Variants in TP53INP2 observed in about 807,000 individuals in gnomAD.
TP53INP2 encodes tumor protein p53 inducible nuclear protein 2, also known as tumor protein p53-inducible nuclear protein 2.
Under a neutral mutation model 17.1 loss-of-function variants are expected in TP53INP2, and 12 were observed. The ratio of observed to expected loss-of-function variants is 0.70; its 90% CI spans 0.45 to 1.14. TP53INP2 has a LOEUF of 1.14. TP53INP2 is among the 50% of genes most tolerant of loss of function. The pLI, the probability that TP53INP2 is intolerant of heterozygous loss-of-function variation, is 0.00. For missense variants in TP53INP2, 342 were observed against 330.9 expected, an observed-to-expected ratio of 1.03 and a Z score of -0.26; for synonymous variants, 145 against 147.3, an observed-to-expected ratio of 0.98 and a Z score of 0.12.
In TP53INP2 at chr20:34,712,149, A is replaced by C. The variant is rs1396046415; in HGVS notation, c.*1842A>C. The C allele has an allele frequency of 6.5e-6, 1 of 152,738 alleles. No homozygotes were observed. Among genetic ancestry groups the C allele is most frequent in the Non-Finnish European group, 1.5e-5 (1 of 68,116 alleles). 9.5% of individuals were successfully genotyped at this position (152,738 alleles called of 1,614,324 possible). A position where few individuals can be genotyped will look rare whatever the true frequency, so the allele number is the denominator to read the frequency against. On this transcript the variant is annotated 3_prime_UTR_variant, in exon 5 of 5. Transcript: ENST00000374810. ...CACGCCAGTCCACTAGGGCCCCAGT[A>C]GTTGACAGCCTTGCTCCTCTCCCAA...
chr20:34,710,067 G>C lies in TP53INP2; in HGVS notation c.423G>C (p.Thr141=), dbSNP rs772559588. 1.6e-6 allele frequency: 2 copies of C among 1,248,638 alleles called. No homozygotes were observed. Among genetic ancestry groups the C allele is most frequent in the African/African-American group, 3.2e-5 (2 of 63,416 alleles). The allele number at this position is 1,248,638 out of a possible 1,614,324, so 77.3% of individuals were successfully genotyped here. A position where few individuals can be genotyped will look rare whatever the true frequency, so the allele number is the denominator to read the frequency against. Residue 141 remains threonine (T), a synonymous_variant, in exon 5 of 5, where the codon ACG becomes ACC. Coordinates refer to ENST00000374810, the MANE Select transcript of TP53INP2 (RefSeq NM_021202.3). This position sits in a 1 kb window ranked among gnomAD's most constrained non-coding sequence, Gnocchi z 4.9. ...PDGDLSEGEL[T]PARREPRAAR... ...GGCTCTGTCCTCACAGGGAATTGAC[G>C]CCCGCCCGCCGCGAGCCGCGGGCCG... is the stretch of plus-strand genomic sequence containing the variant.
Position 34,712,325 on chromosome 20 carries a change from C to T in TP53INP2, c.*2018C>T, listed in dbSNP as rs547825223. 1 of 152,808 alleles carries T rather than the reference C, an allele frequency of 6.5e-6. No homozygotes were observed. The highest frequency in any genetic ancestry group is 2.4e-5 in the African/African-American group (1 of 41,546). 9.5% of individuals were successfully genotyped at this position (152,808 alleles called of 1,614,324 possible). A position where few individuals can be genotyped will look rare whatever the true frequency, so the allele number is the denominator to read the frequency against. ...CTGCCAGCTGGGACCTAGGCTCAGTCCTGTGTGGTGCCCATGATCCTTCTG... is the reference window on the plus strand; with the variant it reads ...CTGCCAGCTGGGACCTAGGCTCAGTTCTGTGTGGTGCCCATGATCCTTCTG... On this transcript the variant is annotated 3_prime_UTR_variant, in exon 5 of 5. Coordinates refer to ENST00000374810, the MANE Select transcript of TP53INP2 (RefSeq NM_021202.3).
chr20:34,712,405 T>G lies in TP53INP2; in HGVS notation c.*2098T>G, dbSNP rs935941130. Reference sequence around the variant, plus strand: ...TTGGCTCAAATTTTAAAAGGCCTTTTGTTTACCTATATTTCTGGAGGCTCC... The same window carrying G: ...TTGGCTCAAATTTTAAAAGGCCTTTGGTTTACCTATATTTCTGGAGGCTCC... On this transcript the variant is annotated 3_prime_UTR_variant, in exon 5 of 5. Transcript: ENST00000374810. 6.6e-6 allele frequency: 1 copy of G among 152,654 alleles called. No individual in the cohort carries two copies. Among genetic ancestry groups the G allele is most frequent in the African/African-American group, 2.4e-5 (1 of 41,434 alleles). 9.5% of individuals were successfully genotyped at this position (152,654 alleles called of 1,614,324 possible).
rs1988227190 is a variant in TP53INP2, at chr20:34,712,490, T to G, written c.*2183T>G. 6.6e-6 allele frequency: 1 copy of G among 152,636 alleles called. No homozygotes were observed. The highest frequency in any genetic ancestry group is 1.5e-5 in the Non-Finnish European group (1 of 68,048). The allele number at this position is 152,636 out of a possible 1,614,324, so 9.5% of individuals were successfully genotyped here. On this transcript the variant is annotated 3_prime_UTR_variant, in exon 5 of 5. Coordinates refer to ENST00000374810, the MANE Select transcript of TP53INP2 (RefSeq NM_021202.3). ...TGCAAGGCTCATATTTTTTTGTACC[T>G]TTCCTATAGATTCTGTAGCATTTGA...
At position 34,711,980 on chromosome 20, in the gene TP53INP2, C is replaced by T. The variant is rs1414671926; in HGVS notation, c.*1673C>T. The T allele has an allele frequency of 6.6e-6, 1 of 152,632 alleles. No homozygotes were observed. The highest frequency in any genetic ancestry group is 1.5e-5 in the Non-Finnish European group (1 of 68,142). 9.5% of individuals were successfully genotyped at this position (152,632 alleles called of 1,614,324 possible). A position where few individuals can be genotyped will look rare whatever the true frequency, so the allele number is the denominator to read the frequency against. Reference sequence around the variant, plus strand: ...GCAAAGGCAGCTGCCCTCCCTGACCCTATAGCCCCAGGCCTCATGGGGGGT... The same window carrying T: ...GCAAAGGCAGCTGCCCTCCCTGACCTTATAGCCCCAGGCCTCATGGGGGGT... On this transcript the variant is annotated 3_prime_UTR_variant, in exon 5 of 5. Transcript: ENST00000374810. The surrounding 1 kb of genome is among the most constrained non-coding windows in gnomAD (Gnocchi z 4.1).
chr20:34,711,494 G>C lies in TP53INP2; in HGVS notation c.*1187G>C, dbSNP rs1988196042. On this transcript the variant is annotated 3_prime_UTR_variant, in exon 5 of 5. Coordinates refer to ENST00000374810, the MANE Select transcript of TP53INP2 (RefSeq NM_021202.3). This position sits in a 1 kb window ranked among gnomAD's most constrained non-coding sequence, Gnocchi z 4.1. ...GGCTAGCCAGCAGTCCTGAGTAGGA[G>C]TCCAGGACTCCCACTGTCTCAATCT... The C allele has an allele frequency of 6.6e-6, 1 of 152,276 alleles. No individual in the cohort carries two copies. Among genetic ancestry groups the C allele is most frequent in the South Asian group, 2.1e-4 (1 of 4,834 alleles). The allele number at this position is 152,276 out of a possible 1,614,324, so 9.4% of individuals were successfully genotyped here. A position where few individuals can be genotyped will look rare whatever the true frequency, so the allele number is the denominator to read the frequency against.
In TP53INP2 at chr20:34,711,491, G is replaced by T. The variant is rs1168228557; in HGVS notation, c.*1184G>T. The T allele has an allele frequency of 6.6e-6, 1 of 152,274 alleles. No homozygotes were observed. Among genetic ancestry groups the T allele is most frequent in the African/African-American group, 2.4e-5 (1 of 41,462 alleles). 9.4% of individuals were successfully genotyped at this position (152,274 alleles called of 1,614,324 possible). ...TATGGCTAGCCAGCAGTCCTGAGTA[G>T]GAGTCCAGGACTCCCACTGTCTCAA... On this transcript the variant is annotated 3_prime_UTR_variant, in exon 5 of 5. Transcript: ENST00000374810. The surrounding 1 kb of genome is among the most constrained non-coding windows in gnomAD (Gnocchi z 4.1).
rs1014125490 is a variant in TP53INP2, at chr20:34,712,699, G to C, written c.*2392G>C. 5.2e-5 allele frequency: 8 copies of C among 152,564 alleles called. No homozygotes were observed. 9.5% of individuals were successfully genotyped at this position (152,564 alleles called of 1,614,324 possible). Reference sequence around the variant, plus strand: ...AACTTGAATACATGAGGGAACCAGAGTTCAAAGTCCTATGCAACCTTAGGA... The same window carrying C: ...AACTTGAATACATGAGGGAACCAGACTTCAAAGTCCTATGCAACCTTAGGA... On this transcript the variant is annotated 3_prime_UTR_variant, in exon 5 of 5. Coordinates refer to ENST00000374810, the MANE Select transcript of TP53INP2 (RefSeq NM_021202.3).
Position 34,709,003 on chromosome 20 carries a change from G to A in TP53INP2, c.124+140G>A. On this transcript the variant is annotated intron_variant, in intron 3 of 4. Transcript: ENST00000374810. The surrounding 1 kb of genome is among the most constrained non-coding windows in gnomAD (Gnocchi z 5.4). ...GTGGGGTCACGGGGCCCCTTCCCAT[G>A]AAAGCCGGGGCTCTCTCCTGGCGGC... is the stretch of plus-strand genomic sequence containing the variant. 7.0e-7 allele frequency: 1 copy of A among 1,421,372 alleles called. No homozygotes were observed. Among genetic ancestry groups the A allele is most frequent in the Non-Finnish European group, 9.3e-7 (1 of 1,075,680 alleles). 88.0% of individuals were successfully genotyped at this position (1,421,372 alleles called of 1,614,324 possible).
Position 34,710,519 on chromosome 20 carries a change from A to G in TP53INP2, c.*212A>G. On this transcript the variant is annotated 3_prime_UTR_variant, in exon 5 of 5. Coordinates refer to ENST00000374810, the MANE Select transcript of TP53INP2 (RefSeq NM_021202.3). The surrounding 1 kb of genome is among the most constrained non-coding windows in gnomAD (Gnocchi z 4.9). ...CTTCACCCTCACTCCTGGTCCCCAT[A>G]CCCAGCATCTAATCATCCATGCCCC... The G allele has an allele frequency of 2.2e-6, 1 of 444,998 alleles. No homozygotes were observed. Among genetic ancestry groups the G allele is most frequent in the Non-Finnish European group, 3.7e-6 (1 of 272,558 alleles). The allele number at this position is 444,998 out of a possible 1,614,324, so 27.6% of individuals were successfully genotyped here. A position where few individuals can be genotyped will look rare whatever the true frequency, so the allele number is the denominator to read the frequency against.
rs901209462 is a variant in TP53INP2 at position 34,709,152 on chromosome 20, C to G, written c.125-84C>G. ...AACGATGCCCTTTCTCTCCCCGCCC[C>G]CTTGTCCGGTGTGTGTGTGTGTGTG... On this transcript the variant is annotated intron_variant, in intron 3 of 4. Transcript: ENST00000374810. The surrounding 1 kb of genome is among the most constrained non-coding windows in gnomAD (Gnocchi z 5.4). The G allele has an allele frequency of 9.1e-6, 13 of 1,424,102 alleles. No individual in the cohort carries two copies. The East Asian group carries it at 1.8e-4, about 20-fold the overall frequency. The allele number at this position is 1,424,102 out of a possible 1,614,324, so 88.2% of individuals were successfully genotyped here. A position where few individuals can be genotyped will look rare whatever the true frequency, so the allele number is the denominator to read the frequency against.
Position 34,708,769 on chromosome 20 carries a change from C to T in TP53INP2, c.30C>T (p.Phe10=), listed in dbSNP as rs201916370. The T allele has an allele frequency of 7.9e-5, 126 of 1,596,212 alleles. 1 individual carries two copies. In the Middle Eastern group the frequency reaches 1.2e-3, roughly 15 times the overall value. ...TCCAGCGCCTCTCCAGCCTCTTCTTCAGCACCCCCTCGCCCCCCGAAGACC... is the reference window on the plus strand; with the variant it reads ...TCCAGCGCCTCTCCAGCCTCTTCTTTAGCACCCCCTCGCCCCCCGAAGACC... MFQRLSSLF[F]STPSPPEDPD... Residue 10 remains phenylalanine, a synonymous_variant, in exon 3 of 5, where the codon TTC becomes TTT. Coordinates refer to ENST00000374810, the MANE Select transcript of TP53INP2 (RefSeq NM_021202.3).
intron 1 of TP53INP2, among the ~76,000 whole-genome samples, chr20:34,705,112 G>A (rs546281302): frequency 1.3e-5 from 2 of 152,350 alleles, no homozygotes; most frequent in South Asian, 4.1e-4. Context: ...AAGGGTCTTA[G>A]ACCCCAGTGC....
rs967230082 is a variant in TP53INP2 at position 34,713,381 on chromosome 20, T to TA, written c.*3075dup. Reference sequence around the variant, plus strand: ...TTGTTAGACTGTAATGCTATTCCTCTATGGGAGAAAAAAATTAATATAAAG... The same window carrying TA: ...TTGTTAGACTGTAATGCTATTCCTCTAATGGGAGAAAAAAATTAATATAAAG... On this transcript the variant is annotated 3_prime_UTR_variant, in exon 5 of 5. Coordinates refer to ENST00000374810, the MANE Select transcript of TP53INP2 (RefSeq NM_021202.3). The TA allele has an allele frequency of 1.3e-5, 2 of 152,624 alleles. No individual in the cohort carries two copies. Among genetic ancestry groups the TA allele is most frequent in the African/African-American group, 4.8e-5 (2 of 41,448 alleles). The allele number at this position is 152,624 out of a possible 1,614,324, so 9.5% of individuals were successfully genotyped here. A position where few individuals can be genotyped will look rare whatever the true frequency, so the allele number is the denominator to read the frequency against.
rs1350498639 is a variant in TP53INP2 at position 34,713,433 on chromosome 20, C to T, written c.*3126C>T. ...AAAACAAATAAAAATATATTTAAAG[C>T]ACATGATCCTTTCTGCCTGAGTTGA... On this transcript the variant is annotated 3_prime_UTR_variant, in exon 5 of 5. Coordinates refer to ENST00000374810, the MANE Select transcript of TP53INP2 (RefSeq NM_021202.3). 2.6e-5 allele frequency: 4 copies of T among 152,512 alleles called. No individual in the cohort carries two copies. The highest frequency in any genetic ancestry group is 2.0e-4 in the Admixed American group (3 of 15,278). 9.4% of individuals were successfully genotyped at this position (152,512 alleles called of 1,614,324 possible).
rs1988089240 is a variant in TP53INP2, at chr20:34,709,275, C to T, written c.164C>T (p.Ala55Val). ...AAPPSPGAAP[A>V]PAGRPPPAPS... ...CCACCCAGCCCCGGGGCCGCCCCTG[C>T]CCCCGCGGGCCGCCCTCCGCCCGCG... Residue 55 changes from alanine (A) to valine (V), a missense_variant, in exon 4 of 5, where the codon GCC becomes GTC. Physicochemically the swap from Ala to Val is moderately conservative, Grantham distance 64. Coordinates refer to ENST00000374810, the MANE Select transcript of TP53INP2 (RefSeq NM_021202.3). This position sits in a 1 kb window ranked among gnomAD's most constrained non-coding sequence, Gnocchi z 5.4. 3 of 1,599,776 alleles carry T rather than the reference C, an allele frequency of 1.9e-6. No individual in the cohort carries two copies. Among genetic ancestry groups the T allele is most frequent in the South Asian group, 1.1e-5 (1 of 89,822 alleles).
rs972781478 is a variant in TP53INP2 at position 34,713,426 on chromosome 20, T to C, written c.*3119T>C. ...ATAAAGAAAAACAAATAAAAATATATTTAAAGCACATGATCCTTTCTGCCT... is the reference window on the plus strand; with the variant it reads ...ATAAAGAAAAACAAATAAAAATATACTTAAAGCACATGATCCTTTCTGCCT... On this transcript the variant is annotated 3_prime_UTR_variant, in exon 5 of 5. Transcript: ENST00000374810. 1 of 152,584 alleles carries C rather than the reference T, an allele frequency of 6.6e-6. No homozygotes were observed. Among genetic ancestry groups the C allele is most frequent in the East Asian group, 1.9e-4 (1 of 5,202 alleles). The allele number at this position is 152,584 out of a possible 1,614,324, so 9.5% of individuals were successfully genotyped here. A position where few individuals can be genotyped will look rare whatever the true frequency, so the allele number is the denominator to read the frequency against.
intron 2 of TP53INP2, among the ~76,000 whole-genome samples, chr20:34,707,497 C>T (rs1988029098): frequency 6.6e-6 from 1 of 152,242 alleles, no homozygotes; most frequent in South Asian, 2.1e-4. Flanking sequence ...CAGAAAAATA[C>T]ACATGGACCA....
At position 34,710,320 on chromosome 20, in the gene TP53INP2, C is replaced by G; in HGVS notation, c.*13C>G. On this transcript the variant is annotated 3_prime_UTR_variant, in exon 5 of 5. Transcript: ENST00000374810. The surrounding 1 kb of genome is among the most constrained non-coding windows in gnomAD (Gnocchi z 4.9). ...GTTCAACTACTGAGCGTCCACCGGCCGCGCCACGAACCCCTTGCCGATCCC... is the reference window on the plus strand; with the variant it reads ...GTTCAACTACTGAGCGTCCACCGGCGGCGCCACGAACCCCTTGCCGATCCC... The G allele has an allele frequency of 7.4e-7, 1 of 1,355,752 alleles. No homozygotes were observed. The highest frequency in any genetic ancestry group is 2.0e-5 in the South Asian group (1 of 50,242). The allele number at this position is 1,355,752 out of a possible 1,614,324, so 84.0% of individuals were successfully genotyped here. A position where few individuals can be genotyped will look rare whatever the true frequency, so the allele number is the denominator to read the frequency against.
Sources: allele counts gnomAD v4.1 joint callset (sites outside exome capture counted in the v4.1 genomes callset), GRCh38; gene constraint gnomAD v4.1.1; non-coding constraint Gnocchi (gnomAD v3.1); transcripts MANE v1.5; gene names NCBI Gene and HGNC (gene_info 2026-07-23, HGNC 2026-07-21).